SPATA13: variants seen among roughly 807,000 people sequenced by gnomAD.
SPATA13 encodes spermatogenesis associated 13.
SPATA13 carries 50 observed loss-of-function variants against 104.0 expected under a neutral mutation model. The ratio of observed to expected loss-of-function variants is 0.48; its 90% CI spans 0.38 to 0.61. The LOEUF is 0.61. Ranked by LOEUF, SPATA13 falls within the 20% of genes least tolerant of loss-of-function variation. The pLI, the probability that SPATA13 is intolerant of heterozygous loss-of-function variation, is 0.00. For synonymous variants in SPATA13, 606 were observed against 667.5 expected (o/e 0.91, Z 1.42); for missense variants, 1,524 against 1,690.6 (o/e 0.90, Z 1.73).
intron 4 of SPATA13, among the ~76,000 whole-genome samples, chr13:24,261,680 C>G (rs1487382404): frequency 6.6e-6 from 1 of 152,068 alleles, no homozygotes; most frequent in African/African-American, 2.4e-5. Context: ...GCCAGGGCTT[C>G]CAGGTGTGAG....
chr13:24,209,185 G>A (rs1870877429), intron 1 of SPATA13, among the ~76,000 whole-genome samples: 1 of 152,162 alleles, frequency 6.6e-6, no homozygotes, highest in South Asian at 2.1e-4. Flanking sequence ...TCAGGAATTC[G>A]ACTTGAACAC....
intron 3 of SPATA13, among the ~76,000 whole-genome samples, chr13:24,065,246 A>G (rs1000352104): frequency 5.3e-5 from 8 of 152,158 alleles, no homozygotes; most frequent in African/African-American, 1.9e-4. Flanking sequence ...AGAGCTGTCT[A>G]CTTAGTTTAA....
At chr13:24,027,717 T>C (rs1172871730) in intron 3 of SPATA13, among the ~76,000 whole-genome samples, 1 of 152,224 alleles carries the variant, frequency 6.6e-6, no homozygotes, top group Non-Finnish European at 1.5e-5. Context: ...TAACTTAACT[T>C]CTCTGTGCCT....
chr13:24,043,579 A>G (rs1010838590), intron 3 of SPATA13, among the ~76,000 whole-genome samples: 3 of 152,186 alleles, frequency 2.0e-5, no homozygotes, highest in African/African-American at 7.2e-5. Context: ...AGAATTCACC[A>G]TTGTCAGCTT....
At chr13:24,190,319 A>T (rs71425116) in intron 1 of SPATA13, among the ~76,000 whole-genome samples, 14 of 2,508 alleles carry the variant, frequency 5.6e-3, no homozygotes, top group Non-Finnish European at 0.17. Flanking sequence ...ATAATATATA[A>T]TATTATATAT....
Position 24,079,506 on chromosome 13 carries a change from C to T in SPATA13, c.-112+61805C>T, listed in dbSNP as rs115014327. Among the ~76,000 whole-genome samples the T allele has an allele frequency of 3.1e-3, 467 of 152,246 alleles. 4 individuals carry two copies. Among genetic ancestry groups the T allele is most frequent in the African/African-American group, 0.011 (449 of 41,514 alleles). On this transcript the variant is annotated intron_variant, in intron 3 of 14. Coordinates refer to the SPATA13 transcript ENST00000424834. ...CTGAACTTTCCCTGCTACCTGGTTG[C>T]AGATTGCTTTCAGAGTCTTGTCTAG...
At chr13:24,294,668 G>C (rs953580099) in intron 9 of SPATA13, 71 bp from the exon 10 acceptor site, 3 of 1,501,540 alleles carry the variant, frequency 2.0e-6, no homozygotes, top group Admixed American at 1.9e-5. Context: ...AAGCGCCCCA[G>C]TGGATTATTT....
chr13:24,270,888 T>G, intron 4 of SPATA13: 1 of 1,612,738 alleles, frequency 6.2e-7, no homozygotes, highest in Non-Finnish European at 8.5e-7. Flanking sequence ...AGCAAGATTC[T>G]GGAGTCTGGA....
At chr13:23,998,183 G>A (rs1050100735) in intron 2 of SPATA13, among the ~76,000 whole-genome samples, 1 of 152,190 alleles carries the variant, frequency 6.6e-6, no homozygotes, top group Admixed American at 6.5e-5. Context: ...TTTCTCAACA[G>A]CAGTGAATGT....
intron 2 of SPATA13, among the ~76,000 whole-genome samples, chr13:24,012,116 C>T (rs1011533424): frequency 2.0e-5 from 3 of 152,218 alleles, no homozygotes; most frequent in Admixed American, 1.3e-4. Flanking sequence ...CTGGCAAACA[C>T]ACTGTCAAGA....
chr13:24,271,505 AT>A (rs1874607799), intron 4 of SPATA13, among the ~76,000 whole-genome samples: 1 of 152,150 alleles, frequency 6.6e-6, no homozygotes, highest in Admixed American at 6.5e-5. Flanking sequence ...TCTTTTTAGT[AT>A]TTCTGTGAGT....
intron 1 of SPATA13, among the ~76,000 whole-genome samples, chr13:24,162,138 A>G (rs1441112507): frequency 2.0e-5 from 3 of 151,402 alleles, no homozygotes; most frequent in Non-Finnish European, 4.4e-5. Context: ...TTGTCTTATT[A>G]TCCCATATCC....
At chr13:24,228,394 C>T (rs987186869) in intron 2 of SPATA13, among the ~76,000 whole-genome samples, 2 of 152,034 alleles carry the variant, frequency 1.3e-5, no homozygotes, top group Non-Finnish European at 2.9e-5. Context: ...GGATTACAGG[C>T]GTGAGCCACC....
Position 24,277,114 on chromosome 13 carries a change from G to A in SPATA13, c.2165-7021G>A, listed in dbSNP as rs560647536. Among the ~76,000 whole-genome samples, 6 of 152,304 alleles carry A rather than the reference G, an allele frequency of 3.9e-5. No individual in the cohort carries two copies. The South Asian group carries it at 1.2e-3, about 32-fold the overall frequency. On this transcript the variant is annotated intron_variant, in intron 4 of 12. Transcript: ENST00000382108. ...TTATGAAGCAATAGACAACTCGCAT[G>A]TCATTTCTTGTGACATCATAAAACC...
chr13:24,203,989 G>A (rs532671972), intron 1 of SPATA13, among the ~76,000 whole-genome samples: 13 of 152,142 alleles, frequency 8.5e-5, no homozygotes, highest in East Asian at 1.9e-4. Flanking sequence ...ATGCAAAAAT[G>A]TAACTTAATG....
rs138175183 is a variant in SPATA13, at chr13:24,223,644, G to A, written c.715G>A (p.Val239Met). 5.2e-6 allele frequency: 8 copies of A among 1,551,970 alleles called. No individual in the cohort carries two copies. In the South Asian group the frequency reaches 7.1e-5, roughly 14 times the overall value. Residue 239 changes from valine (V) to methionine (M), a missense_variant, in exon 2 of 13, where the codon GTG (valine) becomes ATG (methionine). Val to Met is a conservative substitution (Grantham distance 21, BLOSUM62 1). Around this residue, in one of 2 missense-constraint regions of SPATA13, gnomAD observed 1,089 missense variants for 1,135.9 expected, o/e 0.96. Transcript: ENST00000382108. Reference sequence around the variant, plus strand: ...GGTGCCCGCCGTGTGTGAGATTCTCGTGAGGGACCCTGAAAACAACAGCAT... The same window carrying A: ...GGTGCCCGCCGTGTGTGAGATTCTCATGAGGGACCCTGAAAACAACAGCAT... Reference protein sequence around the residue: ...GQVPAVCEILVRDPENNSMGY... With the variant: ...GQVPAVCEILMRDPENNSMGY...
intron 3 of SPATA13, among the ~76,000 whole-genome samples, chr13:24,052,490 TG>T (rs1415964129): frequency 2.2e-4 from 17 of 76,158 alleles, no homozygotes; most frequent in Admixed American, 1.1e-3. Context: ...AAGAAATATA[TG>T]TTTTTTTTTT....
intron 3 of SPATA13, among the ~76,000 whole-genome samples, chr13:24,144,840 C>A (rs1213568075): frequency 2.0e-5 from 3 of 152,254 alleles, no homozygotes; most frequent in African/African-American, 7.2e-5. Flanking sequence ...TGGCCATCCA[C>A]CTCCTTGCCT....
intron 3 of SPATA13, among the ~76,000 whole-genome samples, chr13:24,082,383 C>T (rs949809562): frequency 6.6e-6 from 1 of 152,174 alleles, no homozygotes. Flanking sequence ...GCATAACTAG[C>T]TGTGATGTCT....
Sources: gnomAD v4.1 joint callset for allele counts (sites outside exome capture counted in the v4.1 genomes callset) on GRCh38, gnomAD v4.1.1 for gene constraint, gnomAD v4.1.1 regional missense constraint, MANE v1.5 for transcripts, NCBI Gene and HGNC (gene_info 2026-07-23, HGNC 2026-07-21) for gene names.